PPFIBP1: variants seen among roughly 807,000 people sequenced by gnomAD.
PPFIBP1 encodes the protein PPFIB scaffold protein 1, also known as liprin-beta-1.
In PPFIBP1, 112 loss-of-function variants were observed where a neutral mutation model predicts 137.8. That is an observed-to-expected ratio of 0.81 (90% CI 0.70 to 0.95). The LOEUF is 0.95. Among genes scored for constraint, PPFIBP1 ranks in the 40% least tolerant of loss-of-function variants. The pLI, the probability that PPFIBP1 is intolerant of heterozygous loss-of-function variation, is 0.00. For missense variants in PPFIBP1, 1,083 were observed against 1,196.6 expected, an observed-to-expected ratio of 0.91 and a Z score of 1.40; for synonymous variants, 378 against 417.3, an observed-to-expected ratio of 0.91 and a Z score of 1.15.
chr12:27,540,832 C>T lies in PPFIBP1; in HGVS notation c.-124+16467C>T, dbSNP rs538879193. ...CATATGACTATTGGCTGTTTCTTAA[C>T]AAACTGTTCATGTTCTCTGCCCATT... On this transcript the variant is annotated intron_variant, in intron 1 of 29. Coordinates refer to ENST00000228425, the MANE Select transcript of PPFIBP1 (RefSeq NM_003622.4). Among the ~76,000 whole-genome samples, 58 of 152,300 alleles carry T rather than the reference C, an allele frequency of 3.8e-4. 1 individual carries two copies. Among genetic ancestry groups the T allele is most frequent in the East Asian group, 3.1e-3 (16 of 5,188 alleles).
At position 27,612,403 on chromosome 12, in the gene PPFIBP1, A is replaced by G. The variant is rs561142836; in HGVS notation, c.-35-20959A>G. Reference sequence around the variant, plus strand: ...GGCTGAAGTGCAATGGTGCAATCACAGCTCACTGCAGCCTCAACCTCCCAG... The same window carrying G: ...GGCTGAAGTGCAATGGTGCAATCACGGCTCACTGCAGCCTCAACCTCCCAG... On this transcript the variant is annotated intron_variant, in intron 2 of 29. Transcript: ENST00000228425. Among the ~76,000 whole-genome samples, 6 of 142,542 alleles carry G rather than the reference A, an allele frequency of 4.2e-5. No individual in the cohort carries two copies. The South Asian group carries it at 6.6e-4, about 16-fold the overall frequency. 93.5% of individuals were successfully genotyped at this position (142,542 alleles called of 152,430 possible). A position where few individuals can be genotyped will look rare whatever the true frequency, so the allele number is the denominator to read the frequency against.
rs146405647 is a variant in PPFIBP1 at position 27,596,586 on chromosome 12, A to G, written c.-36+18347A>G. On this transcript the variant is annotated intron_variant, in intron 2 of 29. Transcript: ENST00000228425. ...GCCCAGGCTGGAGTACAATGATGCC[A>G]TCATAACTCACTGCAGCCTCAAACT... 2.9e-3 allele frequency among the ~76,000 whole-genome samples: 434 copies of G among 152,274 alleles called. 2 individuals are homozygous for G. Among genetic ancestry groups the G allele is most frequent in the African/African-American group, 9.8e-3 (406 of 41,554 alleles).
chr12:27,593,835 GT>G, intron 2 of PPFIBP1: 1 of 1,354,542 alleles, frequency 7.4e-7, no homozygotes, highest in Admixed American at 2.7e-5. Flanking sequence ...CTCTTCATGT[GT>G]TTCCTTATCC....
At chr12:27,679,742 T>A in intron 20 of PPFIBP1, 103 bp downstream of exon 20, 1 of 1,434,408 alleles carries the variant, frequency 7.0e-7, no homozygotes, top group Non-Finnish European at 9.5e-7. Context: ...ATTCCTCTTA[T>A]GGAAGGAAGT....
intron 2 of PPFIBP1, among the ~76,000 whole-genome samples, chr12:27,603,041 C>G (rs1276976165): frequency 6.6e-6 from 1 of 152,206 alleles, no homozygotes; most frequent in Admixed American, 6.5e-5. Flanking sequence ...TTTATAATGT[C>G]AAGGCTCCTA....
intron 2 of PPFIBP1, among the ~76,000 whole-genome samples, chr12:27,616,828 G>T (rs1212998696): frequency 6.6e-6 from 1 of 152,180 alleles, no homozygotes; most frequent in Non-Finnish European, 1.5e-5. Context: ...GGAGTAATCT[G>T]CTGAGATTAA....
rs376537682 is a variant in PPFIBP1, at chr12:27,676,204, C to T, written c.1411-224C>T. Among the ~76,000 whole-genome samples, 5 of 152,124 alleles carry T rather than the reference C, an allele frequency of 3.3e-5. No homozygotes were observed. In the East Asian group the frequency reaches 7.7e-4, roughly 23 times the overall value. On this transcript the variant is annotated intron_variant, in intron 17 of 29. Transcript: ENST00000228425. ...ATATCGATTCTAGATTAGTGATGAA[C>T]ATGTTTTCCTTGTTGCTTTTGTTGT... is the stretch of plus-strand genomic sequence containing the variant.
At chr12:27,659,470 G>A (rs112139844) in intron 10 of PPFIBP1, among the ~76,000 whole-genome samples, 2 of 151,858 alleles carry the variant, frequency 1.3e-5, no homozygotes, top group African/African-American at 4.8e-5. Context: ...AAAATTAGCT[G>A]AGCATGGTGG....
At chr12:27,685,472 C>T (rs1216021987) in intron 24 of PPFIBP1, among the ~76,000 whole-genome samples, 6 of 152,146 alleles carry the variant, frequency 3.9e-5, no homozygotes, top group Non-Finnish European at 5.9e-5. Context: ...TAATAGCTCA[C>T]GATTATGACT....
chr12:27,533,700 T>C (rs975929842), intron 1 of PPFIBP1, among the ~76,000 whole-genome samples: 1 of 152,196 alleles, frequency 6.6e-6, no homozygotes, highest in South Asian at 2.1e-4. Context: ...TCTATAGGGC[T>C]GTTATGTAAA....
intron 17 of PPFIBP1, 81 bp from the exon 18 acceptor site, chr12:27,676,343 CGTGA>C (rs2060510696): frequency 2.9e-6 from 3 of 1,048,482 alleles, no homozygotes; most frequent in Non-Finnish European, 2.6e-6. Context: ...ATGGATGTGG[CGTGA>C]GTGAGTATTT....
At chr12:27,673,454 C>T (rs564586899) in intron 15 of PPFIBP1, among the ~76,000 whole-genome samples, 2 of 152,268 alleles carry the variant, frequency 1.3e-5, no homozygotes, top group Non-Finnish European at 2.9e-5. Flanking sequence ...GCAGAGGATG[C>T]AGCACTAGTC....
chr12:27,629,738 C>T (rs2057128972), intron 2 of PPFIBP1, among the ~76,000 whole-genome samples: 1 of 152,096 alleles, frequency 6.6e-6, no homozygotes, highest in Non-Finnish European at 1.5e-5. Flanking sequence ...TTTAAAAATA[C>T]GTTGACCTAG....
In PPFIBP1 at chr12:27,646,118, A is replaced by G. The variant is rs1415964527; in HGVS notation, c.327A>G (p.Leu109=). The G allele has an allele frequency of 2.5e-6, 4 of 1,611,218 alleles. No individual in the cohort carries two copies. The highest frequency in any genetic ancestry group is 3.4e-6 in the Non-Finnish European group (4 of 1,177,678). Residue 109 remains leucine (L), a synonymous_variant, in exon 5 of 30, where the codon TTA becomes TTG. Coordinates refer to ENST00000228425, the MANE Select transcript of PPFIBP1 (RefSeq NM_003622.4). ...TGTATCAAGAAAGGCTGGCACGTTT[A>G]GAAAATGATAAAGAATCCCTCGTTC... is the stretch of plus-strand genomic sequence containing the variant. ...GDVYQERLAR[L]ENDKESLVLQ...
intron 25 of PPFIBP1, among the ~76,000 whole-genome samples, chr12:27,687,832 C>T (rs2061291488): frequency 6.6e-6 from 1 of 152,128 alleles, no homozygotes; most frequent in African/African-American, 2.4e-5. Flanking sequence ...CCTATAATCC[C>T]AGCACTTTGG....
intron 1 of PPFIBP1, among the ~76,000 whole-genome samples, chr12:27,571,592 T>G (rs529669916): frequency 6.6e-6 from 1 of 152,288 alleles, no homozygotes; most frequent in Non-Finnish European, 1.5e-5. Context: ...TCTTGCTGGG[T>G]CAGTAATGAT....
chr12:27,632,107 T>A (rs2057310877), intron 2 of PPFIBP1, among the ~76,000 whole-genome samples: 1 of 152,208 alleles, frequency 6.6e-6, no homozygotes, highest in Non-Finnish European at 1.5e-5. Flanking sequence ...GTGATATTTT[T>A]CACCTTTGGA....
intron 24 of PPFIBP1, among the ~76,000 whole-genome samples, chr12:27,683,673 G>A (rs1250315638): frequency 1.3e-5 from 2 of 152,156 alleles, no homozygotes; most frequent in African/African-American, 4.8e-5. Flanking sequence ...ACTATTCCCT[G>A]CTTTACAGCA....
intron 2 of PPFIBP1, among the ~76,000 whole-genome samples, chr12:27,580,730 T>A (rs1338963745): frequency 6.6e-6 from 1 of 152,176 alleles, no homozygotes; most frequent in Non-Finnish European, 1.5e-5. Flanking sequence ...AGAGGAAGGA[T>A]GCAAGGAAAC....
Sources: gnomAD v4.1 joint callset for allele counts (sites outside exome capture counted in the v4.1 genomes callset) on GRCh38, gnomAD v4.1.1 for gene constraint, MANE v1.5 for transcripts, NCBI Gene and HGNC (gene_info 2026-07-23, HGNC 2026-07-21) for gene names.